Variants in BTBD9 observed in about 807,000 individuals in gnomAD.
The protein encoded by BTBD9 is BTB/POZ domain-containing protein 9.
Under a neutral mutation model 64.3 loss-of-function variants are expected in BTBD9, and 49 were observed. The observed-to-expected ratio is 0.76, with a 90% confidence interval of 0.61 to 0.97. The LOEUF is 0.97. Among genes scored for constraint, BTBD9 ranks in the 50% least tolerant of loss-of-function variants. BTBD9 has a pLI of 0.00. For synonymous variants in BTBD9, 260 were observed against 274.7 expected (o/e 0.95, Z 0.53); for missense variants, 598 against 762.1 (o/e 0.78, Z 2.53).
At chr6:38,189,916 C>T (rs1208188041) in intron 10 of BTBD9, among the ~76,000 whole-genome samples, 1 of 151,736 alleles carries the variant, frequency 6.6e-6, no homozygotes, top group Non-Finnish European at 1.5e-5. Flanking sequence ...TCAAGTGATC[C>T]ACCTGCCTTG....
chr6:38,518,916 G>A (rs902280258), intron 6 of BTBD9, among the ~76,000 whole-genome samples: 1 of 151,980 alleles, frequency 6.6e-6, no homozygotes, highest in Non-Finnish European at 1.5e-5. Context: ...AAAACAATTG[G>A]GAAAAAAGTG....
At chr6:38,178,805 A>C (rs1761402313) in intron 10 of BTBD9, among the ~76,000 whole-genome samples, 1 of 152,166 alleles carries the variant, frequency 6.6e-6, no homozygotes, top group South Asian at 2.1e-4. Context: ...GCCTGGCCTT[A>C]AGCTGGGCAG....
chr6:38,579,311 A>T (rs990931390), intron 5 of BTBD9, among the ~76,000 whole-genome samples: 4 of 152,234 alleles, frequency 2.6e-5, no homozygotes, highest in Non-Finnish European at 5.9e-5. Context: ...TTTGCAGGGC[A>T]TCATCATCAT....
chr6:38,249,928 C>A (rs1246042764), intron 9 of BTBD9, among the ~76,000 whole-genome samples: 1 of 152,106 alleles, frequency 6.6e-6, no homozygotes, highest in Non-Finnish European at 1.5e-5. Flanking sequence ...AAGGAATAAG[C>A]CCAATTACAA....
intron 4 of BTBD9, among the ~76,000 whole-genome samples, chr6:38,585,147 T>A (rs1013464055): frequency 1.2e-4 from 18 of 151,874 alleles, no homozygotes; most frequent in African/African-American, 4.4e-4. Flanking sequence ...CAAGAGCATG[T>A]GTACCGACAC....
intron 6 of BTBD9, among the ~76,000 whole-genome samples, chr6:38,376,559 C>G (rs1035725932): frequency 6.6e-6 from 1 of 152,030 alleles, no homozygotes; most frequent in Non-Finnish European, 1.5e-5. Context: ...AAAATGAAAA[C>G]TGTAATAAAA....
At chr6:38,316,041 C>A (rs147455675) in intron 7 of BTBD9, among the ~76,000 whole-genome samples, 15 of 152,066 alleles carry the variant, frequency 9.9e-5, no homozygotes, top group African/African-American at 3.6e-4. Flanking sequence ...CTGAGTTGAC[C>A]CCTTTATCAC....
At chr6:38,207,515 T>C (rs1368093864) in intron 9 of BTBD9, among the ~76,000 whole-genome samples, 1 of 152,108 alleles carries the variant, frequency 6.6e-6, no homozygotes, top group Non-Finnish European at 1.5e-5. Flanking sequence ...CTCAGCTACT[T>C]GGAAGGCTGA....
chr6:38,390,870 C>G (rs114131426), intron 6 of BTBD9, among the ~76,000 whole-genome samples: 13,537 of 152,254 alleles, frequency 0.089, 827 homozygotes, highest in Non-Finnish European at 0.13. Context: ...AACATCTTTA[C>G]TTAGCAAAAT....
rs577506261 is a variant in BTBD9, at chr6:38,302,280, A to G, written c.1265-13819T>C. On this transcript the variant is annotated intron_variant, in intron 7 of 10. Transcript: ENST00000481247. ...CTGACCAGTTTCTCCTTACCTCCCA[A>G]CTCTTCTCAGCCTCTGGTAACCACT... Among the ~76,000 whole-genome samples, 6 of 150,556 alleles carry G rather than the reference A, an allele frequency of 4.0e-5. No homozygotes were observed. In the South Asian group the frequency reaches 8.4e-4, roughly 21 times the overall value.
chr6:38,402,879 G>A (rs1402941195), intron 6 of BTBD9: 1 of 698,810 alleles, frequency 1.4e-6, no homozygotes. Context: ...ACCAGAGTGG[G>A]CACCATAGTG....
chr6:38,271,062 T>C (rs2127543907), intron 8 of BTBD9, among the ~76,000 whole-genome samples: 1 of 152,334 alleles, frequency 6.6e-6, no homozygotes, highest in Admixed American at 6.5e-5. Flanking sequence ...GGCACTTTTA[T>C]AAAGTATCCA....
At chr6:38,568,045 G>A (rs1390643017) in intron 6 of BTBD9, among the ~76,000 whole-genome samples, 2 of 152,166 alleles carry the variant, frequency 1.3e-5, no homozygotes, top group African/African-American at 2.4e-5. Flanking sequence ...TCCAGGAACT[G>A]CAAAATGATT....
chr6:38,370,212 T>C (rs1292337496), intron 6 of BTBD9, among the ~76,000 whole-genome samples: 1 of 152,246 alleles, frequency 6.6e-6, no homozygotes, highest in Non-Finnish European at 1.5e-5. Context: ...CACCTTCTTT[T>C]GTTTCATAGC....
intron 6 of BTBD9, among the ~76,000 whole-genome samples, chr6:38,369,826 A>G (rs947497981): frequency 6.6e-6 from 1 of 152,150 alleles, no homozygotes; most frequent in African/African-American, 2.4e-5. Flanking sequence ...AGCAATTAGG[A>G]TTCTAGCTAG....
intron 6 of BTBD9, among the ~76,000 whole-genome samples, chr6:38,484,610 G>A (rs1771314416): frequency 6.6e-6 from 1 of 152,160 alleles, no homozygotes; most frequent in Non-Finnish European, 1.5e-5. Flanking sequence ...GATGTCATGG[G>A]TTCAGTTTAT....
At chr6:38,504,624 A>C (rs953712992) in intron 6 of BTBD9, 1 of 455,460 alleles carries the variant, frequency 2.2e-6, no homozygotes, top group Non-Finnish European at 4.4e-6. Flanking sequence ...ATAGTTTAAA[A>C]TTATATAAAA....
rs1350164837 is a variant in BTBD9, at chr6:38,268,067, C to CT, written c.1455-11552dup. 9.2e-5 allele frequency among the ~76,000 whole-genome samples: 14 copies of CT among 152,320 alleles called. No homozygotes were observed. In the East Asian group the frequency reaches 1.9e-3, roughly 21 times the overall value. The stretch of plus-strand genomic sequence containing the variant: ...CTCAAAAAACCTGGGTCACTTATTC[C>CT]TGTACAATATCTTCAGTGTTCTATA... On this transcript the variant is annotated intron_variant, in intron 8 of 10. Transcript: ENST00000481247.
chr6:38,196,811 A>T (rs1031353169), intron 9 of BTBD9, among the ~76,000 whole-genome samples: 8 of 152,184 alleles, frequency 5.3e-5, no homozygotes, highest in Admixed American at 1.3e-4. Flanking sequence ...GCTTGGAAAC[A>T]ATTTTTCCAT....
Sources: allele counts gnomAD v4.1 joint callset (sites outside exome capture counted in the v4.1 genomes callset), GRCh38; gene constraint gnomAD v4.1.1; transcripts MANE v1.5; gene names NCBI Gene and HGNC (gene_info 2026-07-23, HGNC 2026-07-21).